Variants in SOCS6 observed in about 807,000 individuals in gnomAD.
SOCS6 encodes the protein suppressor of cytokine signaling 6.
In SOCS6, 5 loss-of-function variants were observed where a neutral mutation model predicts 27.7. That is an observed-to-expected ratio of 0.18 (90% CI 0.09 to 0.38). The LOEUF (loss-of-function observed/expected upper bound fraction) is 0.38, where lower values mean the gene tolerates loss of function less well. SOCS6 is among the 10% of genes least tolerant of loss of function. SOCS6 has a pLI of 1.00. For synonymous variants in SOCS6, 271 were observed against 260.0 expected (o/e 1.04, Z -0.41); for missense variants, 595 against 688.1 (o/e 0.86, Z 1.51).
intron 1 of SOCS6, among the ~76,000 whole-genome samples, chr18:70,303,146 A>G (rs1208017801): frequency 6.6e-6 from 1 of 152,144 alleles, no homozygotes; most frequent in African/African-American, 2.4e-5. Flanking sequence ...TTTCCTCCCT[A>G]TTCTTTCTAT....
intron 1 of SOCS6, among the ~76,000 whole-genome samples, chr18:70,300,374 C>T (rs1021842182): frequency 6.6e-6 from 1 of 152,190 alleles, no homozygotes; most frequent in Non-Finnish European, 1.5e-5. Context: ...AGTGATCTGC[C>T]AGCCTCAGCC....
Position 70,289,096 on chromosome 18 carries a change from CG to C in SOCS6, c.-127+7del, listed in dbSNP as rs2062286326. On this transcript the variant is annotated splice_region_variant and intron_variant, in intron 1 of 1. Coordinates refer to ENST00000397942, the MANE Select transcript of SOCS6 (RefSeq NM_004232.4). ...CGGAGCCGGGCCGCCTCCGGGTAAG[CG>C]TCCGGGGAGCTCGGGCGGGAGGCAG... 1.3e-5 allele frequency: 2 copies of C among 149,690 alleles called. No individual in the cohort carries two copies. The highest frequency in any genetic ancestry group is 4.9e-5 in the African/African-American group (2 of 41,162). The allele number at this position is 149,690 out of a possible 1,614,324, so 9.3% of individuals were successfully genotyped here.
At chr18:70,304,652 G>A (rs1305632690) in intron 1 of SOCS6, among the ~76,000 whole-genome samples, 1 of 151,970 alleles carries the variant, frequency 6.6e-6, no homozygotes, top group African/African-American at 2.4e-5. Context: ...TTTATATCTT[G>A]GTATCATCTC....
At chr18:70,320,449 A>G (rs7235744) in intron 1 of SOCS6, among the ~76,000 whole-genome samples, 2,942 of 152,206 alleles carry the variant, frequency 0.019, 87 homozygotes, top group African/African-American at 0.065. Flanking sequence ...TTTTCCAACT[A>G]TGTATCTGGA....
intron 1 of SOCS6, among the ~76,000 whole-genome samples, chr18:70,297,757 C>T (rs958033437): frequency 1.3e-5 from 2 of 152,122 alleles, no homozygotes; most frequent in Non-Finnish European, 2.9e-5. Flanking sequence ...TTCCCTTCAG[C>T]GCTAATGATC....
intron 1 of SOCS6, among the ~76,000 whole-genome samples, chr18:70,308,711 T>C (rs1161186290): frequency 6.6e-6 from 1 of 152,246 alleles, no homozygotes; most frequent in Non-Finnish European, 1.5e-5. Context: ...CTTTCAGTTC[T>C]CTCAGGCTTT....
At chr18:70,312,659 G>T (rs1055643218) in intron 1 of SOCS6, among the ~76,000 whole-genome samples, 1 of 151,830 alleles carries the variant, frequency 6.6e-6, no homozygotes, top group Non-Finnish European at 1.5e-5. Flanking sequence ...TGCATACAGT[G>T]AAATCACCTT....
At chr18:70,295,886 G>T (rs2062320656) in intron 1 of SOCS6, among the ~76,000 whole-genome samples, 2 of 152,192 alleles carry the variant, frequency 1.3e-5, no homozygotes, top group African/African-American at 4.8e-5. Context: ...AGCCCTTCTT[G>T]CTGTTGATGC....
intron 1 of SOCS6, among the ~76,000 whole-genome samples, chr18:70,315,547 A>G (rs7228049): frequency 0.34 from 51,831 of 152,102 alleles, 9,654 homozygotes; most frequent in East Asian, 0.73. Context: ...GTATAAGCAC[A>G]TTCCCTTTCT....
rs779793539 is a variant in SOCS6 at position 70,326,037 on chromosome 18, C to T, written c.1369C>T (p.Leu457=). The T allele has an allele frequency of 1.2e-6, 2 of 1,614,182 alleles. No individual in the cohort carries two copies. The highest frequency in any genetic ancestry group is 2.2e-5 in the East Asian group (1 of 44,888). ...GGAAGGACATACGTCCATAGTTGAT[C>T]TAATTGAGCATTCAATCAGGGACTC... is the stretch of plus-strand genomic sequence containing the variant. The part of the protein sequence containing the change: ...DVEGHTSIVD[L]IEHSIRDSEN... Residue 457 remains leucine, a synonymous_variant, in exon 2 of 2, where the codon CTA becomes TTA. Transcript: ENST00000397942.
At chr18:70,299,443 GCCT>G (rs2146265460) in intron 1 of SOCS6, among the ~76,000 whole-genome samples, 1 of 152,314 alleles carries the variant, frequency 6.6e-6, no homozygotes, top group African/African-American at 2.4e-5. Context: ...TCCTAGGGTG[GCCT>G]CCTGCCCAGC....
chr18:70,303,102 C>G (rs1362081666), intron 1 of SOCS6, among the ~76,000 whole-genome samples: 1 of 152,170 alleles, frequency 6.6e-6, no homozygotes, highest in Non-Finnish European at 1.5e-5. Context: ...TTCTGCCATC[C>G]AGTTAACAGT....
intron 1 of SOCS6, among the ~76,000 whole-genome samples, chr18:70,293,826 C>T (rs2062311156): frequency 6.6e-6 from 1 of 152,210 alleles, no homozygotes; most frequent in South Asian, 2.1e-4. Flanking sequence ...GGCGCGGTGG[C>T]TCGCGCCTGT....
At position 70,325,590 on chromosome 18, in the gene SOCS6, C is replaced by T. The variant is rs759544838; in HGVS notation, c.922C>T (p.Pro308Ser). ...QSPRAGHDDV[P>S]PLSPLLPPMQ... is the part of the protein sequence containing the mutation. ...CCCGAGAGCGGGTCACGATGATGTC[C>T]CTCCACTCTCACCATTGCTACCTCC... The change falls in exon 2 of 2, where the codon CCT becomes TCT. Residue 308 changes from proline (P) to serine (S), a missense_variant. This residue lies in a region of SOCS6 where 467 missense variants were observed against 481.1 expected (regional missense o/e 0.97). Transcript: ENST00000397942. This position sits in a 1 kb window ranked among gnomAD's most constrained non-coding sequence, Gnocchi z 6.3. 3.1e-6 allele frequency: 5 copies of T among 1,614,130 alleles called. No homozygotes were observed. Among genetic ancestry groups the T allele is most frequent in the South Asian group, 1.1e-5 (1 of 91,070 alleles).
intron 1 of SOCS6, among the ~76,000 whole-genome samples, chr18:70,298,953 C>T (rs1332133861): frequency 2.6e-5 from 4 of 152,006 alleles, no homozygotes; most frequent in Admixed American, 1.3e-4. Flanking sequence ...GGCAAAACCC[C>T]GTGTCTACTA....
chr18:70,320,697 G>A (rs943866970), intron 1 of SOCS6, among the ~76,000 whole-genome samples: 5 of 152,136 alleles, frequency 3.3e-5, no homozygotes, highest in African/African-American at 1.2e-4. Context: ...ATAGGTATGT[G>A]TGTATAGGAA....
At chr18:70,304,848 C>T (rs1023238956) in intron 1 of SOCS6, among the ~76,000 whole-genome samples, 1 of 152,098 alleles carries the variant, frequency 6.6e-6, no homozygotes, top group Non-Finnish European at 1.5e-5. Context: ...ATATATTGTG[C>T]TTTTGGTATT....
intron 1 of SOCS6, among the ~76,000 whole-genome samples, chr18:70,304,812 G>A (rs906877775): frequency 6.6e-6 from 1 of 152,178 alleles, no homozygotes; most frequent in Non-Finnish European, 1.5e-5. Context: ...TTTTAATGAT[G>A]TTTAACTTAG....
chr18:70,323,671 G>A (rs1284249971), intron 1 of SOCS6, among the ~76,000 whole-genome samples: 2 of 152,156 alleles, frequency 1.3e-5, no homozygotes, highest in African/African-American at 4.8e-5. Context: ...TGTTCTCAAG[G>A]AATTCTCGAG....
Sources: gnomAD v4.1 joint callset for allele counts (sites outside exome capture counted in the v4.1 genomes callset) on GRCh38, gnomAD v4.1.1 for gene constraint, gnomAD v4.1.1 regional missense constraint, Gnocchi (gnomAD v3.1) non-coding constraint, MANE v1.5 for transcripts, NCBI Gene and HGNC (gene_info 2026-07-23, HGNC 2026-07-21) for gene names.